The following CACNG8 variants were observed in gnomAD, a reference collection of about 807,000 sequenced individuals.
CACNG8 encodes the protein voltage-dependent calcium channel gamma-8 subunit.
A neutral mutation model predicts 26.9 loss-of-function variants in CACNG8; 5 were observed. The observed-to-expected ratio is 0.19, with a 90% CI of 0.10 to 0.39. The LOEUF (loss-of-function observed/expected upper bound fraction) is 0.39. Among genes scored for constraint, CACNG8 ranks in the 10% least tolerant of loss-of-function variants. The pLI is 1.00. For missense variants in CACNG8, 473 were observed against 609.4 expected (o/e 0.78, Z 2.36); for synonymous variants, 321 against 296.7 (o/e 1.08, Z -0.84).
chr19:53,973,825 C>CAA (rs149757700), intron 1 of CACNG8, among the ~76,000 whole-genome samples: 12 of 149,832 alleles, frequency 8.0e-5, no homozygotes, highest in African/African-American at 2.9e-4. Context: ...GACTCCATCC[C>CAA]AAAAAAAAAG....
chr19:53,978,955 GGA>G (rs938350492), intron 2 of CACNG8, among the ~76,000 whole-genome samples: 6 of 139,170 alleles, frequency 4.3e-5, no homozygotes, highest in East Asian at 2.3e-4. Flanking sequence ...GAAAAGGAGG[GGA>G]GAGAGAGACC....
chr19:53,981,925 G>T (rs537937989), intron 3 of CACNG8, among the ~76,000 whole-genome samples, 155 bp from the exon 4 acceptor site: 2 of 151,060 alleles, frequency 1.3e-5, no homozygotes, highest in South Asian at 4.2e-4. Context: ...GGGTCAGCCA[G>T]ATCCAGGACG....
At chr19:53,965,231 A>G (rs2069265914) in intron 1 of CACNG8, among the ~76,000 whole-genome samples, 1 of 152,204 alleles carries the variant, frequency 6.6e-6, no homozygotes, top group African/African-American at 2.4e-5. Context: ...GCCAACAGTT[A>G]AAAATAGGGA....
In CACNG8 at chr19:53,983,551, AGCCAGGGGCCCCGACGTCTCATAGAG is replaced by A. The variant is rs2069388600; in HGVS notation, c.*703_*728del. 1 of 152,232 alleles carries A rather than the reference AGCCAGGGGCCCCGACGTCTCATAGAG, an allele frequency of 6.6e-6. No homozygotes were observed. The highest frequency in any genetic ancestry group is 1.5e-5 in the Non-Finnish European group (1 of 68,068). The allele number at this position is 152,232 out of a possible 1,614,324, so 9.4% of individuals were successfully genotyped here. A position where few individuals can be genotyped will look rare whatever the true frequency, so the allele number is the denominator to read the frequency against. On this transcript the variant is annotated 3_prime_UTR_variant, in exon 4 of 4. Coordinates refer to ENST00000270458, the MANE Select transcript of CACNG8 (RefSeq NM_031895.6). Reference sequence around the variant, plus strand: ...CTCAGCGTGCAGGAGGCAGGAAAACAGCCAGGGGCCCCGACGTCTCATAGAGTAAACATCTTGTGCATGAGACAGGC... The same window carrying A: ...CTCAGCGTGCAGGAGGCAGGAAAACATAAACATCTTGTGCATGAGACAGGC...
At chr19:53,973,538 A>C (rs2069314215) in intron 1 of CACNG8, among the ~76,000 whole-genome samples, 1 of 150,260 alleles carries the variant, frequency 6.7e-6, no homozygotes, top group Non-Finnish European at 1.5e-5. Flanking sequence ...AAAAATAAAT[A>C]AATAAAAACT....
At chr19:53,966,078 AAATTATTT>A (rs2069270879) in intron 1 of CACNG8, among the ~76,000 whole-genome samples, 1 of 149,366 alleles carries the variant, frequency 6.7e-6, no homozygotes, top group Non-Finnish European at 1.5e-5. Flanking sequence ...TGTTTTTTAA[AAATTATTT>A]ATTTATTTAT....
At chr19:53,968,665 G>A (rs1430727594) in intron 1 of CACNG8, among the ~76,000 whole-genome samples, 1 of 151,438 alleles carries the variant, frequency 6.6e-6, no homozygotes, top group Admixed American at 6.6e-5. Context: ...CTACTCGGGA[G>A]GCTGAGGCAG....
intron 1 of CACNG8, among the ~76,000 whole-genome samples, chr19:53,970,185 G>A (rs1363787848): frequency 2.0e-5 from 3 of 152,166 alleles, no homozygotes; most frequent in African/African-American, 4.8e-5. Flanking sequence ...GCGCAGTGGC[G>A]GGCGCCTGTG....
chr19:53,970,942 A>G (rs560142201), intron 1 of CACNG8, among the ~76,000 whole-genome samples: 48 of 150,764 alleles, frequency 3.2e-4, no homozygotes, highest in African/African-American at 1.0e-3. Flanking sequence ...AAAAAAAAAA[A>G]AAAAGAAAAG....
chr19:53,989,166 C>G lies in CACNG8; in HGVS notation c.*6317C>G, dbSNP rs2069424904. 1 of 152,334 alleles carries G rather than the reference C, an allele frequency of 6.6e-6. No homozygotes were observed. Among genetic ancestry groups the G allele is most frequent in the South Asian group, 2.1e-4 (1 of 4,828 alleles). 9.4% of individuals were successfully genotyped at this position (152,334 alleles called of 1,614,324 possible). On this transcript the variant is annotated 3_prime_UTR_variant, in exon 4 of 4. Coordinates refer to ENST00000270458, the MANE Select transcript of CACNG8 (RefSeq NM_031895.6). ...CCTGTAGTCCTAGATACTCGGGAGG[C>G]TGAGGCGGGAGGATTGCTTGAGTCC... is the stretch of plus-strand genomic sequence containing the variant.
chr19:53,973,755 G>A (rs1197083266), intron 1 of CACNG8, among the ~76,000 whole-genome samples: 5 of 152,130 alleles, frequency 3.3e-5, no homozygotes, highest in Admixed American at 2.0e-4. Flanking sequence ...GAACCCAGGA[G>A]GTGGAAGTTG....
chr19:53,981,542 T>A (rs1410882998), intron 3 of CACNG8, among the ~76,000 whole-genome samples: 1 of 150,622 alleles, frequency 6.6e-6, no homozygotes, highest in African/African-American at 2.5e-5. Context: ...TGGGGCAGAG[T>A]TTAGACCAGC....
chr19:53,970,453 C>A, intron 1 of CACNG8, among the ~76,000 whole-genome samples: 1 of 150,104 alleles, frequency 6.7e-6, no homozygotes, highest in East Asian at 2.0e-4. Flanking sequence ...GGTGAAACCC[C>A]GTCTCTACTA....
chr19:53,979,799 G>C (rs539993164), intron 2 of CACNG8, 68 bp from the exon 3 acceptor site: 3 of 1,488,180 alleles, frequency 2.0e-6, no homozygotes, highest in Admixed American at 4.3e-5. Flanking sequence ...GGGCCGGGAA[G>C]GGGGCGCAGG....
rs150635337 is a variant in CACNG8, at chr19:53,976,580, A to G, written c.284-1566A>G. Among the ~76,000 whole-genome samples, 72 of 152,224 alleles carry G rather than the reference A, an allele frequency of 4.7e-4. No homozygotes were observed. The East Asian group carries it at 0.011, about 24-fold the overall frequency. On this transcript the variant is annotated intron_variant, in intron 1 of 3. Coordinates refer to ENST00000270458, the MANE Select transcript of CACNG8 (RefSeq NM_031895.6). ...TTTCCCCTACTTTCCTTTGCTGGTC[A>G]TGGTCTGCCTGTGATCTCACCTTCT...
In CACNG8 at chr19:53,981,522, C is replaced by T. The variant is rs188983140; in HGVS notation, c.509-558C>T. Among the ~76,000 whole-genome samples the T allele has an allele frequency of 5.4e-4, 82 of 152,014 alleles. 1 individual carries two copies. In the East Asian group the frequency reaches 0.015, roughly 28 times the overall value. On this transcript the variant is annotated intron_variant, in intron 3 of 3. Coordinates refer to ENST00000270458, the MANE Select transcript of CACNG8 (RefSeq NM_031895.6). ...AGCCCAGACCATCTGGGGGTGGGTCCTAGACCACCTGGGGCAGAGTTTAGA... is the reference window on the plus strand; with the variant it reads ...AGCCCAGACCATCTGGGGGTGGGTCTTAGACCACCTGGGGCAGAGTTTAGA...
intron 1 of CACNG8, 128 bp from the exon 2 acceptor site, chr19:53,978,018 C>G: frequency 1.6e-6 from 1 of 631,984 alleles, no homozygotes; most frequent in Non-Finnish European, 2.9e-6. Flanking sequence ...GGAGCCAGGA[C>G]TTGCGGTCTC....
chr19:53,982,194 T>G lies in CACNG8; in HGVS notation c.623T>G (p.Phe208Cys). ...TACTCGTACGGCTGGTCCTTCTACT[T>G]CGGCGGGCTGTCGTTCATCCTGGCC... is the stretch of plus-strand genomic sequence containing the variant. Residue 208 changes from phenylalanine (F) to cysteine (C), a missense_variant, in exon 4 of 4, where the codon TTC (phenylalanine) becomes TGC (cysteine). By Grantham distance (205) the Phe-to-Cys change is radical. Coordinates refer to ENST00000270458, the MANE Select transcript of CACNG8 (RefSeq NM_031895.6). This position sits in a 1 kb window ranked among gnomAD's most constrained non-coding sequence, Gnocchi z 8.4. The G allele has an allele frequency of 4.3e-6, 7 of 1,613,186 alleles. No individual in the cohort carries two copies. Among genetic ancestry groups the G allele is most frequent in the Non-Finnish European group, 5.9e-6 (7 of 1,179,764 alleles).
intron 1 of CACNG8, among the ~76,000 whole-genome samples, chr19:53,976,673 CTCTT>C (rs1175517304): frequency 6.7e-6 from 1 of 149,008 alleles, no homozygotes; most frequent in Admixed American, 6.8e-5. Context: ...CTTTCTCTCT[CTCTT>C]TTTTTTTTCT....
Sources: gnomAD v4.1 joint callset for allele counts (sites outside exome capture counted in the v4.1 genomes callset) on GRCh38, gnomAD v4.1.1 for gene constraint, Gnocchi (gnomAD v3.1) non-coding constraint, MANE v1.5 for transcripts, NCBI Gene and HGNC (gene_info 2026-07-23, HGNC 2026-07-21) for gene names.